Variants in ZFPM2 observed in about 807,000 individuals in gnomAD.
ZFPM2 encodes the protein zinc finger protein, FOG family member 2.
ZFPM2 carries 20 observed loss-of-function variants against 98.6 expected under a neutral mutation model. That is an observed-to-expected ratio of 0.20 (90% CI 0.14 to 0.29). The LOEUF (loss-of-function observed/expected upper bound fraction) is 0.29. Ranked by LOEUF, ZFPM2 falls within the 10% of genes least tolerant of loss-of-function variation. ZFPM2 has a pLI of 1.00. For missense variants in ZFPM2, 1,310 were observed against 1,388.6 expected (o/e 0.94, Z 0.90); for synonymous variants, 518 against 502.7 (o/e 1.03, Z -0.41).
At chr8:105,791,814 C>G (rs1410563321) in intron 6 of ZFPM2, among the ~76,000 whole-genome samples, 1 of 152,018 alleles carries the variant, frequency 6.6e-6, no homozygotes, top group African/African-American at 2.4e-5. Context: ...CTGGTTTAGT[C>G]TTGGGAGAGT....
intron 5 of ZFPM2, among the ~76,000 whole-genome samples, chr8:105,662,122 G>A (rs951197352): frequency 4.6e-5 from 7 of 152,104 alleles, no homozygotes; most frequent in African/African-American, 1.2e-4. Flanking sequence ...AACAACACGC[G>A]TGATGGAGGA....
intron 4 of ZFPM2, among the ~76,000 whole-genome samples, chr8:105,594,729 C>A (rs1360281547): frequency 6.6e-6 from 1 of 152,064 alleles, no homozygotes. Context: ...TTTTATACTA[C>A]CTCCCTACAG....
At chr8:105,347,258 G>C (rs1220186164) in intron 1 of ZFPM2, among the ~76,000 whole-genome samples, 1 of 150,988 alleles carries the variant, frequency 6.6e-6, no homozygotes, top group Admixed American at 6.6e-5. Flanking sequence ...TCAATTTACT[G>C]ATTGCAAATT....
At chr8:105,482,548 CTT>C (rs982897903) in intron 3 of ZFPM2, among the ~76,000 whole-genome samples, 3 of 151,888 alleles carry the variant, frequency 2.0e-5, no homozygotes, top group Admixed American at 2.0e-4. Flanking sequence ...TAAAAAATGT[CTT>C]TTTTCCCCTC....
At chr8:105,651,192 T>C (rs1817165723) in intron 5 of ZFPM2, among the ~76,000 whole-genome samples, 1 of 152,146 alleles carries the variant, frequency 6.6e-6, no homozygotes, top group Non-Finnish European at 1.5e-5. Context: ...CATTTATGTA[T>C]TTTCCTTTGA....
At position 105,318,843 on chromosome 8, in the gene ZFPM2, C is replaced by T. The variant is rs866626360; in HGVS notation, c.-99C>T. Reference sequence around the variant, plus strand: ...CCGGCCGGCGGCGGGCCGAGCCTGGCCAGCGGCGGCGGCGGCGGCGGCGGC... The same window carrying T: ...CCGGCCGGCGGCGGGCCGAGCCTGGTCAGCGGCGGCGGCGGCGGCGGCGGC... On this transcript the variant is annotated 5_prime_UTR_variant, in exon 1 of 8. Transcript: ENST00000407775. The T allele has an allele frequency of 5.5e-3, 2,452 of 445,958 alleles. 18 individuals are homozygous for T. The highest frequency in any genetic ancestry group is 0.015 in the Middle Eastern group (12 of 780). The allele number at this position is 445,958 out of a possible 1,614,324, so 27.6% of individuals were successfully genotyped here. A position where few individuals can be genotyped will look rare whatever the true frequency, so the allele number is the denominator to read the frequency against.
chr8:105,669,536 A>ATTTG (rs72404384), intron 5 of ZFPM2, among the ~76,000 whole-genome samples: 31 of 139,150 alleles, frequency 2.2e-4, no homozygotes, highest in African/African-American at 7.8e-4. Flanking sequence ...GAAAGTGTGC[A>ATTTG]TGTGTGTGTG....
intron 5 of ZFPM2, among the ~76,000 whole-genome samples, chr8:105,674,189 A>G (rs1216787644): frequency 1.3e-5 from 2 of 152,214 alleles, no homozygotes; most frequent in African/African-American, 4.8e-5. Flanking sequence ...GAATGCAGAT[A>G]ATGCAGACGC....
intron 3 of ZFPM2, among the ~76,000 whole-genome samples, chr8:105,487,092 A>G (rs116687031): frequency 0.019 from 2,900 of 152,140 alleles, 92 homozygotes; most frequent in African/African-American, 0.066. Context: ...GGATTTTTAA[A>G]AGCTTATATG....
At chr8:105,608,975 G>A (rs1452762534) in intron 4 of ZFPM2, among the ~76,000 whole-genome samples, 1 of 151,812 alleles carries the variant, frequency 6.6e-6, no homozygotes, top group African/African-American at 2.4e-5. Flanking sequence ...ATAAAAACTA[G>A]AAGACTGAAC....
rs1237642952 is a variant in ZFPM2 at position 105,351,555 on chromosome 8, A to G, written c.40+32574A>G. Among the ~76,000 whole-genome samples the G allele has an allele frequency of 3.3e-5, 5 of 152,170 alleles. No individual in the cohort carries two copies. In the South Asian group the frequency reaches 6.2e-4, roughly 19 times the overall value. On this transcript the variant is annotated intron_variant, in intron 1 of 7. Coordinates refer to ENST00000407775, the MANE Select transcript of ZFPM2 (RefSeq NM_012082.4). Reference sequence around the variant, plus strand: ...CCTGACTCAGAATCCTTTCATTGGAATCAGAATTGCCATGAGATACATTAA... The same window carrying G: ...CCTGACTCAGAATCCTTTCATTGGAGTCAGAATTGCCATGAGATACATTAA...
At chr8:105,530,414 C>T (rs552760809) in intron 3 of ZFPM2, among the ~76,000 whole-genome samples, 1 of 152,246 alleles carries the variant, frequency 6.6e-6, no homozygotes, top group East Asian at 1.9e-4. Context: ...TAACTAAAGA[C>T]TAGGTGGCTT....
intron 2 of ZFPM2, among the ~76,000 whole-genome samples, chr8:105,421,050 G>T (rs530284860): frequency 7.2e-5 from 11 of 152,114 alleles, no homozygotes; most frequent in African/African-American, 2.6e-4. Context: ...AAAGTTTTAA[G>T]GTAGTAATTT....
At chr8:105,697,868 T>G (rs1811054716) in intron 5 of ZFPM2, among the ~76,000 whole-genome samples, 1 of 152,160 alleles carries the variant, frequency 6.6e-6, no homozygotes, top group Non-Finnish European at 1.5e-5. Flanking sequence ...ATCCCTTATA[T>G]TCTGAGAGCC....
chr8:105,676,821 A>G (rs1171059512), intron 5 of ZFPM2, among the ~76,000 whole-genome samples: 3 of 152,208 alleles, frequency 2.0e-5, no homozygotes, highest in African/African-American at 4.8e-5. Flanking sequence ...GTTAAGAGTT[A>G]TAGACTGGGA....
intron 5 of ZFPM2, among the ~76,000 whole-genome samples, chr8:105,655,630 A>T (rs1817270635): frequency 6.6e-6 from 1 of 152,210 alleles, no homozygotes; most frequent in Admixed American, 6.5e-5. Flanking sequence ...AAAAGTCATC[A>T]TTAAAACGCT....
intron 2 of ZFPM2, among the ~76,000 whole-genome samples, chr8:105,441,666 TCCAGTTATG>T (rs1812254529): frequency 6.6e-6 from 1 of 151,980 alleles, no homozygotes; most frequent in Non-Finnish European, 1.5e-5. Flanking sequence ...ACATTGTGAT[TCCAGTTATG>T]CCAGTTTGCT....
chr8:105,333,001 G>A (rs1178934609), intron 1 of ZFPM2, among the ~76,000 whole-genome samples: 4 of 151,660 alleles, frequency 2.6e-5, no homozygotes, highest in African/African-American at 9.7e-5. Context: ...GATGGTCATT[G>A]CAGATTTTGA....
At chr8:105,680,051 C>T (rs1271814750) in intron 5 of ZFPM2, among the ~76,000 whole-genome samples, 1 of 152,092 alleles carries the variant, frequency 6.6e-6, no homozygotes, top group Non-Finnish European at 1.5e-5. Context: ...GTCTATTAAA[C>T]TGCATTTCCC....
Sources: allele counts gnomAD v4.1 joint callset (sites outside exome capture counted in the v4.1 genomes callset), GRCh38; gene constraint gnomAD v4.1.1; transcripts MANE v1.5; gene names NCBI Gene and HGNC (gene_info 2026-07-23, HGNC 2026-07-21).